Variants in POLR3B observed in about 807,000 individuals in gnomAD.
POLR3B encodes the protein RNA polymerase III subunit B.
POLR3B carries 96 observed loss-of-function variants against 147.4 expected under a neutral mutation model. The ratio of observed to expected loss-of-function variants is 0.65; its 90% CI spans 0.55 to 0.77. The LOEUF is 0.77. POLR3B is among the 30% of genes least tolerant of loss of function. The pLI, the probability that POLR3B is intolerant of heterozygous loss-of-function variation, is 0.00. For synonymous variants in POLR3B, 461 were observed against 485.9 expected, an observed-to-expected ratio of 0.95 and a Z score of 0.67; for missense variants, 1,036 against 1,413.5, an observed-to-expected ratio of 0.73 and a Z score of 4.28.
At position 106,432,349 on chromosome 12, in the gene POLR3B, T is replaced by A; in HGVS notation, c.1496T>A (p.Met499Lys). ...ACGLVKNLAL[M>K]THITTDMEDG... ...GGTTTGGTTAAAAACTTGGCCCTTA[T>A]GACACACATCACAACTGATATGGAA... The change falls in exon 15 of 28, where the codon ATG becomes AAG. Residue 499 changes from methionine (M) to lysine (K), a missense_variant. Transcript: ENST00000228347. The A allele has an allele frequency of 6.2e-7, 1 of 1,613,850 alleles. No homozygotes were observed. The highest frequency in any genetic ancestry group is 8.5e-7 in the Non-Finnish European group (1 of 1,179,756).
At chr12:106,449,615 A>G (rs1032360699) in intron 19 of POLR3B, among the ~76,000 whole-genome samples, 1 of 152,250 alleles carries the variant, frequency 6.6e-6, no homozygotes, top group African/African-American at 2.4e-5. Flanking sequence ...ATGATAAGGA[A>G]GAGAAAATAT....
chr12:106,482,054 G>T (rs1474430885), intron 23 of POLR3B, among the ~76,000 whole-genome samples: 1 of 152,164 alleles, frequency 6.6e-6, no homozygotes, highest in Non-Finnish European at 1.5e-5. Context: ...AATCATCAGA[G>T]AAGCATTAAT....
chr12:106,365,813 C>T lies in POLR3B; in HGVS notation c.106-703C>T, dbSNP rs532826412. The stretch of plus-strand genomic sequence containing the variant: ...GGCGGACGTTGCAGTGAGCCGAGAT[C>T]GCACCACTGTACTCCAGCCTGGGCA... On this transcript the variant is annotated intron_variant, in intron 2 of 27. Coordinates refer to ENST00000228347, the MANE Select transcript of POLR3B (RefSeq NM_018082.6). Among the ~76,000 whole-genome samples the T allele has an allele frequency of 1.2e-3, 178 of 151,424 alleles. 2 individuals carry two copies. The highest frequency in any genetic ancestry group is 4.0e-3 in the African/African-American group (164 of 41,226).
intron 23 of POLR3B, 40 bp downstream of exon 23, chr12:106,463,660 T>A: frequency 6.5e-7 from 1 of 1,544,386 alleles, no homozygotes. Context: ...TAAAACAATA[T>A]ATGAATGTAT....
chr12:106,508,703 G>C (rs1373199784), intron 27 of POLR3B, among the ~76,000 whole-genome samples: 1 of 152,218 alleles, frequency 6.6e-6, no homozygotes, highest in East Asian at 1.9e-4. Context: ...AGGCAAAGTG[G>C]TTAGGAACAT....
chr12:106,423,450 G>A (rs1284876480), intron 12 of POLR3B, among the ~76,000 whole-genome samples: 1 of 152,182 alleles, frequency 6.6e-6, no homozygotes, highest in Non-Finnish European at 1.5e-5. Flanking sequence ...TGTGCTGTCT[G>A]CAAGCTGGAG....
chr12:106,446,302 T>C (rs1301393034), intron 19 of POLR3B: 1 of 455,642 alleles, frequency 2.2e-6, no homozygotes, highest in African/African-American at 2.0e-5. Flanking sequence ...CTTCAGTGTG[T>C]TTGAAGATCG....
chr12:106,457,356 A>G (rs1231077226), intron 21 of POLR3B, 60 bp downstream of exon 21: 5 of 1,392,910 alleles, frequency 3.6e-6, no homozygotes, highest in African/African-American at 1.4e-5. Context: ...TTATTCAATA[A>G]TATTTCTGAA....
intron 23 of POLR3B, among the ~76,000 whole-genome samples, chr12:106,469,048 G>T (rs1342210135): frequency 2.0e-5 from 3 of 152,088 alleles, no homozygotes; most frequent in African/African-American, 4.8e-5. Flanking sequence ...GGGTGTTAAA[G>T]TCTCCCATTA....
Position 106,377,824 on chromosome 12 carries a change from A to G in POLR3B, c.497-443A>G, listed in dbSNP as rs189931107. Among the ~76,000 whole-genome samples the G allele has an allele frequency of 1.1e-3, 167 of 152,304 alleles. 1 individual carries two copies. The highest frequency in any genetic ancestry group is 3.8e-3 in the African/African-American group (160 of 41,572). On this transcript the variant is annotated intron_variant, in intron 7 of 27. Transcript: ENST00000228347. ...CATAAAACAATATCAGATGGGCGCA[A>G]TGGCTCTTGCCTGTAATCCCAGTGC...
In POLR3B at chr12:106,505,664, C is replaced by A. The variant is rs746067900; in HGVS notation, c.3272+1410C>A. ...GCTACAGAGCTTCCAGCCTCACCCCCTCATTGCCCCTCACCTGCCCTCCCC... is the reference window on the plus strand; with the variant it reads ...GCTACAGAGCTTCCAGCCTCACCCCATCATTGCCCCTCACCTGCCCTCCCC... On this transcript the variant is annotated intron_variant, in intron 27 of 27. Transcript: ENST00000228347. 2.0e-5 allele frequency among the ~76,000 whole-genome samples: 3 copies of A among 152,150 alleles called. No individual in the cohort carries two copies. In the East Asian group the frequency reaches 5.8e-4, roughly 29 times the overall value.
intron 9 of POLR3B, among the ~76,000 whole-genome samples, chr12:106,389,660 C>T (rs1197250575): frequency 1.3e-5 from 2 of 151,764 alleles, no homozygotes; most frequent in African/African-American, 4.8e-5. Context: ...TTGAGCATCT[C>T]AAATCCAGAA....
intron 23 of POLR3B, among the ~76,000 whole-genome samples, chr12:106,479,807 T>G (rs557337347): frequency 2.7e-5 from 4 of 149,022 alleles, no homozygotes; most frequent in African/African-American, 1.0e-4. Context: ...TTCTTTTCTT[T>G]TCTTTTCTTT....
chr12:106,457,069 C>A, intron 20 of POLR3B, 69 bp from the exon 21 acceptor site: 1 of 1,361,174 alleles, frequency 7.3e-7, no homozygotes, highest in Non-Finnish European at 1.1e-6. Flanking sequence ...TGTTGAGTAG[C>A]ACAAATCCAT....
At chr12:106,364,249 G>A (rs1213753193) in intron 2 of POLR3B, among the ~76,000 whole-genome samples, 2 of 152,254 alleles carry the variant, frequency 1.3e-5, no homozygotes, top group African/African-American at 2.4e-5. Flanking sequence ...AAAGCTGGGT[G>A]CAGAGAGCGT....
At chr12:106,406,378 A>T (rs2037150665) in intron 11 of POLR3B, among the ~76,000 whole-genome samples, 1 of 152,226 alleles carries the variant, frequency 6.6e-6, no homozygotes. Context: ...GCTTATGTAA[A>T]ATATGCTTAT....
At chr12:106,493,376 A>G (rs61447288) in intron 23 of POLR3B, among the ~76,000 whole-genome samples, 8,627 of 152,308 alleles carry the variant, frequency 0.057, 338 homozygotes, top group East Asian at 0.14. Flanking sequence ...AAGGATTTGA[A>G]TAATTCTGAA....
At chr12:106,468,972 C>T (rs959188362) in intron 23 of POLR3B, among the ~76,000 whole-genome samples, 22 of 152,148 alleles carry the variant, frequency 1.4e-4, no homozygotes, top group Non-Finnish European at 1.9e-4. Context: ...TGGTCCAGAG[C>T]TGAGTTCAAG....
chr12:106,435,594 G>A (rs1194043760), intron 16 of POLR3B, among the ~76,000 whole-genome samples: 2 of 152,136 alleles, frequency 1.3e-5, no homozygotes, highest in African/African-American at 2.4e-5. Context: ...GTGACTCTGA[G>A]TATACTACTT....
Sources: gnomAD v4.1 joint callset for allele counts (sites outside exome capture counted in the v4.1 genomes callset) on GRCh38, gnomAD v4.1.1 for gene constraint, MANE v1.5 for transcripts, NCBI Gene and HGNC (gene_info 2026-07-23, HGNC 2026-07-21) for gene names.